The following EXOC2 variants were observed in gnomAD, a reference collection of about 807,000 sequenced individuals.
The protein encoded by EXOC2 is exocyst complex component 2.
Under a neutral mutation model 131.8 loss-of-function variants are expected in EXOC2, and 70 were observed. That is an observed-to-expected ratio of 0.53 (90% CI 0.44 to 0.65). The LOEUF is 0.65. Ranked by LOEUF, EXOC2 falls within the 30% of genes least tolerant of loss-of-function variation. The probability of loss-of-function intolerance (pLI) is 0.00; values close to 1 mark genes in which losing one functional copy is unlikely to be tolerated. For missense variants in EXOC2, 923 were observed against 1,108.6 expected, an observed-to-expected ratio of 0.83 and a Z score of 2.38; for synonymous variants, 411 against 398.4, an observed-to-expected ratio of 1.03 and a Z score of -0.38.
chr6:589,388 C>T (rs1476428237), intron 11 of EXOC2, among the ~76,000 whole-genome samples: 1 of 152,058 alleles, frequency 6.6e-6, no homozygotes, highest in South Asian at 2.1e-4. Context: ...GTCCAGCACC[C>T]GCACGGTGTC....
At chr6:491,965 G>C (rs1489019356) in intron 25 of EXOC2, among the ~76,000 whole-genome samples, 1 of 152,246 alleles carries the variant, frequency 6.6e-6, no homozygotes, top group Non-Finnish European at 1.5e-5. Context: ...TCCACATGCA[G>C]AAGAATGAAG....
intron 7 of EXOC2, 133 bp from the exon 8 acceptor site, chr6:599,358 TA>T: frequency 2.4e-6 from 2 of 824,276 alleles, no homozygotes; most frequent in South Asian, 3.3e-5. Context: ...TTTTTCAGTT[TA>T]GGGGATCTTT....
intron 11 of EXOC2, among the ~76,000 whole-genome samples, chr6:587,661 G>A (rs1759292349): frequency 6.6e-6 from 1 of 152,172 alleles, no homozygotes; most frequent in African/African-American, 2.4e-5. Context: ...TTCACTAATG[G>A]CGAATCCTCC....
At chr6:580,977 C>G (rs779491447) in intron 11 of EXOC2, among the ~76,000 whole-genome samples, 1 of 152,104 alleles carries the variant, frequency 6.6e-6, no homozygotes, top group Non-Finnish European at 1.5e-5. Context: ...AATTACATCA[C>G]AAAAATACTA....
chr6:657,176 C>T, intron 1 of EXOC2: 2 of 396,742 alleles, frequency 5.0e-6, no homozygotes, highest in East Asian at 7.4e-5. Flanking sequence ...CCCTCCAGCC[C>T]TCTCACAAAA....
chr6:573,244 A>G (rs780128308), intron 12 of EXOC2, among the ~76,000 whole-genome samples: 2 of 152,260 alleles, frequency 1.3e-5, no homozygotes, highest in Admixed American at 1.3e-4. Flanking sequence ...TAACATAGCT[A>G]TTGCTGTAAC....
At chr6:655,937 A>G in intron 1 of EXOC2, 1 of 565,730 alleles carries the variant, frequency 1.8e-6, no homozygotes, top group Middle Eastern at 4.7e-4. Flanking sequence ...GAACTACCCA[A>G]CTGTTTTACC....
chr6:627,185 T>C lies in EXOC2; in HGVS notation c.422+2650A>G, dbSNP rs1448509373. Among the ~76,000 whole-genome samples, 8 of 147,796 alleles carry C rather than the reference T, an allele frequency of 5.4e-5. No homozygotes were observed. The Admixed American group carries it at 5.5e-4, about 10-fold the overall frequency. ...CCTTTTATCTTTCTCTAAAACAAGA[T>C]TTATCTAACAGAGGTCAAAGAATTC... On this transcript the variant is annotated intron_variant, in intron 4 of 27. Transcript: ENST00000230449.
At chr6:628,058 A>G (rs1761667787) in intron 4 of EXOC2, among the ~76,000 whole-genome samples, 1 of 152,218 alleles carries the variant, frequency 6.6e-6, no homozygotes, top group Non-Finnish European at 1.5e-5. Flanking sequence ...AGAATCCTGT[A>G]AGGATGAACA....
At chr6:600,929 A>T (rs1301775972) in intron 7 of EXOC2, among the ~76,000 whole-genome samples, 1 of 152,228 alleles carries the variant, frequency 6.6e-6, no homozygotes, top group African/African-American at 2.4e-5. Context: ...CTGTAAATTT[A>T]ATTGTATTCA....
intron 10 of EXOC2, 46 bp from the exon 11 acceptor site, chr6:592,633 T>C: frequency 2.1e-6 from 3 of 1,437,588 alleles, no homozygotes; most frequent in Non-Finnish European, 2.9e-6. Flanking sequence ...AATGCTGGCA[T>C]ATTTTAAAAT....
intron 18 of EXOC2, 63 bp downstream of exon 18, chr6:556,421 T>G: frequency 6.5e-7 from 1 of 1,550,178 alleles, no homozygotes; most frequent in Non-Finnish European, 8.8e-7. Flanking sequence ...AGTCAAAAAT[T>G]TACAACTATG....
intron 22 of EXOC2, among the ~76,000 whole-genome samples, chr6:539,051 C>A (rs1766640236): frequency 7.0e-6 from 1 of 142,506 alleles, no homozygotes; most frequent in African/African-American, 2.7e-5. Context: ...GCCTGGGTGA[C>A]AGAGCAAGAC....
intron 6 of EXOC2, among the ~76,000 whole-genome samples, chr6:613,605 T>C (rs180964006): frequency 4.4e-4 from 67 of 152,302 alleles, no homozygotes; most frequent in Non-Finnish European, 7.4e-5. Flanking sequence ...TGTTCCCCCA[T>C]TTTTCTTAAC....
intron 4 of EXOC2, among the ~76,000 whole-genome samples, chr6:624,043 A>G (rs927631677): frequency 1.3e-5 from 2 of 152,224 alleles, no homozygotes; most frequent in African/African-American, 4.8e-5. Context: ...TTTTGTTTAA[A>G]TCAATCTTAA....
chr6:684,425 C>T (rs1266842140), intron 1 of EXOC2, among the ~76,000 whole-genome samples: 2 of 152,140 alleles, frequency 1.3e-5, no homozygotes, highest in Admixed American at 1.3e-4. Context: ...CTATCCATCA[C>T]AGGTCAAAAG....
chr6:624,134 A>G (rs933232137), intron 4 of EXOC2, among the ~76,000 whole-genome samples: 9 of 149,872 alleles, frequency 6.0e-5, no homozygotes, highest in African/African-American at 2.2e-4. Context: ...CAAACACCTC[A>G]AAAATGTGAA....
In EXOC2 at chr6:587,853, A is replaced by C. The variant is rs190194365; in HGVS notation, c.1192+4616T>G. ...TTAAAAAATATTCATATTTTAGGTA[A>C]TGGTCATGGTATTTTGGCTACAGTT... On this transcript the variant is annotated intron_variant, in intron 11 of 27. Coordinates refer to ENST00000230449, the MANE Select transcript of EXOC2 (RefSeq NM_018303.6). Among the ~76,000 whole-genome samples the C allele has an allele frequency of 1.9e-3, 284 of 152,338 alleles. 3 individuals carry two copies. Among genetic ancestry groups the C allele is most frequent in the East Asian group, 0.018 (93 of 5,182 alleles).
intron 23 of EXOC2, among the ~76,000 whole-genome samples, chr6:523,074 G>GA (rs201000651): frequency 4.7e-4 from 71 of 151,570 alleles, no homozygotes; most frequent in African/African-American, 1.5e-3. Flanking sequence ...ATCAGATAGG[G>GA]AAAAAAAAAT....
Sources: allele counts gnomAD v4.1 joint callset (sites outside exome capture counted in the v4.1 genomes callset), GRCh38; gene constraint gnomAD v4.1.1; transcripts MANE v1.5; gene names NCBI Gene and HGNC (gene_info 2026-07-23, HGNC 2026-07-21).